Variants in FMN1 observed in about 807,000 individuals in gnomAD.
FMN1 encodes the protein formin-1.
Under a neutral mutation model 132.4 loss-of-function variants are expected in FMN1, and 110 were observed. The observed-to-expected ratio is 0.83, with a 90% CI of 0.71 to 0.97. The LOEUF is 0.97. Ranked by LOEUF, FMN1 falls within the 50% of genes least tolerant of loss-of-function variation. The pLI is 0.00. For missense variants in FMN1, 1,792 were observed against 1,705.3 expected (o/e 1.05, Z -0.90); for synonymous variants, 722 against 651.7 (o/e 1.11, Z -1.64).
chr15:32,866,796 A>C (rs778320020), intron 16 of FMN1, among the ~76,000 whole-genome samples: 1 of 152,144 alleles, frequency 6.6e-6, no homozygotes, highest in Non-Finnish European at 1.5e-5. Context: ...TTCGCTGACA[A>C]CCCAGCAGGA....
At chr15:32,844,278 GGTCT>G (rs539085454) in intron 17 of FMN1, among the ~76,000 whole-genome samples, 67 of 152,216 alleles carry the variant, frequency 4.4e-4, no homozygotes, top group African/African-American at 1.4e-3. Context: ...ATTGAGACAG[GGTCT>G]TTGTGGATCC....
chr15:32,921,365 G>A (rs1010376362), intron 10 of FMN1, among the ~76,000 whole-genome samples: 5 of 152,146 alleles, frequency 3.3e-5, no homozygotes, highest in African/African-American at 1.2e-4. Context: ...CACTGTAGTT[G>A]GCTAGAGTGC....
intron 6 of FMN1, among the ~76,000 whole-genome samples, chr15:33,059,568 G>T (rs2037389193): frequency 6.6e-6 from 1 of 151,646 alleles, no homozygotes; most frequent in Non-Finnish European, 1.5e-5. Context: ...CTGGTACATT[G>T]GCAAAAAGAT....
At chr15:32,875,160 C>T (rs2059608769) in intron 16 of FMN1, among the ~76,000 whole-genome samples, 1 of 152,192 alleles carries the variant, frequency 6.6e-6, no homozygotes, top group Admixed American at 6.5e-5. Flanking sequence ...AGCCCTCAGC[C>T]TGCTTTATGT....
At chr15:32,815,512 C>T (rs1478902997) in intron 17 of FMN1, among the ~76,000 whole-genome samples, 4 of 152,042 alleles carry the variant, frequency 2.6e-5, no homozygotes, top group African/African-American at 9.7e-5. Flanking sequence ...AAAATGAAAC[C>T]TTACACTTGA....
At chr15:32,959,401 A>G (rs943999738) in intron 9 of FMN1, among the ~76,000 whole-genome samples, 1 of 152,260 alleles carries the variant, frequency 6.6e-6, no homozygotes, top group Non-Finnish European at 1.5e-5. Context: ...CAAAGATTAT[A>G]GGAGGCAGGT....
Position 33,154,650 on chromosome 15 carries a change from T to C in FMN1, c.265A>G (p.Lys89Glu), listed in dbSNP as rs1265885013. Residue 89 changes from lysine (K) to glutamate (E), a missense_variant, in exon 4 of 21, where the codon AAA becomes GAA. Lys to Glu is a moderately conservative substitution (Grantham distance 56). This residue lies in a region of FMN1 where 638 missense variants were observed against 645.2 expected (regional missense o/e 0.99). Coordinates refer to ENST00000616417, the MANE Select transcript of FMN1 (RefSeq NM_001277313.2). ...AGTCTCTCCCTCTCTGTTGTGAGTTTGTACAGCTCAGTTAGAATGTCTTTC... is the reference window on the plus strand; with the variant it reads ...AGTCTCTCCCTCTCTGTTGTGAGTTCGTACAGCTCAGTTAGAATGTCTTTC... ...PTKDILTELYKLTTERERLLT... is the reference protein window; with the variant it reads ...PTKDILTELYELTTERERLLT... 3.9e-6 allele frequency: 6 copies of C among 1,536,152 alleles called. No homozygotes were observed. Among genetic ancestry groups the C allele is most frequent in the Non-Finnish European group, 5.2e-6 (6 of 1,146,920 alleles).
At chr15:33,003,733 C>G (rs2034250506) in intron 7 of FMN1, among the ~76,000 whole-genome samples, 1 of 152,160 alleles carries the variant, frequency 6.6e-6, no homozygotes, top group Non-Finnish European at 1.5e-5. Context: ...CCCGCATTGC[C>G]AAGTCAATCC....
At chr15:32,937,581 C>G (rs1234154115) in intron 9 of FMN1, among the ~76,000 whole-genome samples, 1 of 152,172 alleles carries the variant, frequency 6.6e-6, no homozygotes, top group Non-Finnish European at 1.5e-5. Context: ...CTTTTAGTTT[C>G]TGAGAGGCAA....
Position 33,068,451 on chromosome 15 carries a change from T to A in FMN1, c.2044-3377A>T, listed in dbSNP as rs183901808. ...AACTGAAATACTTCTGACACAGGCC[T>A]TCTTTTTCATCTGGATTATGATCAG... On this transcript the variant is annotated intron_variant, in intron 5 of 20. Transcript: ENST00000616417. 1.1e-3 allele frequency among the ~76,000 whole-genome samples: 175 copies of A among 152,322 alleles called. 1 individual carries two copies. The highest frequency in any genetic ancestry group is 2.0e-3 in the Non-Finnish European group (138 of 68,026).
At chr15:33,166,149 G>A (rs747015787) in intron 3 of FMN1, among the ~76,000 whole-genome samples, 5 of 152,166 alleles carry the variant, frequency 3.3e-5, no homozygotes, top group East Asian at 1.9e-4. Flanking sequence ...TAGCAGATGC[G>A]GTTATTGTCA....
chr15:32,957,946 G>C (rs1048016204), intron 9 of FMN1, among the ~76,000 whole-genome samples: 6 of 152,168 alleles, frequency 3.9e-5, no homozygotes, highest in Non-Finnish European at 7.4e-5. Context: ...TGTCGTGGCA[G>C]AGTGGTCTAG....
At chr15:32,798,574 AG>A (rs2057371479) in intron 19 of FMN1, among the ~76,000 whole-genome samples, 1 of 152,180 alleles carries the variant, frequency 6.6e-6, no homozygotes, top group Non-Finnish European at 1.5e-5. Flanking sequence ...AGTAATTGGA[AG>A]GGGTTAAGAA....
At chr15:33,006,669 A>G (rs1429314045) in intron 7 of FMN1, among the ~76,000 whole-genome samples, 3 of 152,252 alleles carry the variant, frequency 2.0e-5, no homozygotes, top group African/African-American at 7.2e-5. Context: ...ATGGTTAAAA[A>G]AAATGTGGTT....
At chr15:32,978,996 G>A (rs1429951926) in intron 7 of FMN1, among the ~76,000 whole-genome samples, 1 of 152,168 alleles carries the variant, frequency 6.6e-6, no homozygotes, top group Non-Finnish European at 1.5e-5. Context: ...TGTAAAAGAT[G>A]AAACTTATAC....
chr15:32,979,944 T>C (rs1344741367), intron 7 of FMN1, among the ~76,000 whole-genome samples: 5 of 152,222 alleles, frequency 3.3e-5, no homozygotes, highest in East Asian at 3.8e-4. Context: ...CGATGATGCA[T>C]GCATGGATCA....
intron 2 of FMN1, among the ~76,000 whole-genome samples, chr15:33,187,042 C>T (rs2140354495): frequency 6.6e-6 from 1 of 152,210 alleles, no homozygotes; most frequent in East Asian, 1.9e-4. Context: ...TACAGGGACC[C>T]CACACCTATA....
chr15:32,979,199 C>T (rs1254059518), intron 7 of FMN1, among the ~76,000 whole-genome samples: 2 of 152,080 alleles, frequency 1.3e-5, no homozygotes, highest in Admixed American at 6.5e-5. Context: ...GATGGCCTCC[C>T]TACCAGCCAA....
rs773414212 is a variant in FMN1, at chr15:33,103,405, T to C, written c.1868-14431A>G. ...AGATTAAAGAGTTAATATTATACAA[T>C]GGACTCAGAGCAGTGCCTGGCACCT... is the stretch of plus-strand genomic sequence containing the variant. On this transcript the variant is annotated intron_variant, in intron 4 of 20. Coordinates refer to ENST00000616417, the MANE Select transcript of FMN1 (RefSeq NM_001277313.2). 4.2e-4 allele frequency among the ~76,000 whole-genome samples: 64 copies of C among 152,208 alleles called. 1 individual carries two copies. Among genetic ancestry groups the C allele is most frequent in the Middle Eastern group, 6.8e-3 (2 of 294 alleles).
Sources: allele counts gnomAD v4.1 joint callset (sites outside exome capture counted in the v4.1 genomes callset), GRCh38; gene constraint gnomAD v4.1.1; regional missense constraint gnomAD v4.1.1; transcripts MANE v1.5; gene names NCBI Gene and HGNC (gene_info 2026-07-23, HGNC 2026-07-21).